Variants in B4GALT5 observed in about 807,000 individuals in gnomAD.
B4GALT5 encodes the protein UDP-Gal:beta-GlcNAc beta-1,4-galactosyltransferase 5.
Under a neutral mutation model 45.0 loss-of-function variants are expected in B4GALT5, and 11 were observed. The observed-to-expected ratio is 0.24, with a 90% CI of 0.15 to 0.40. B4GALT5 has a LOEUF of 0.40. Among genes scored for constraint, B4GALT5 ranks in the 10% least tolerant of loss-of-function variants. The pLI, the probability that B4GALT5 is intolerant of heterozygous loss-of-function variation, is 1.00. For synonymous variants in B4GALT5, 185 were observed against 182.9 expected (o/e 1.01, Z -0.09); for missense variants, 337 against 500.2 (o/e 0.67, Z 3.11).
At chr20:49,685,539 C>T (rs1283079948) in intron 1 of B4GALT5, among the ~76,000 whole-genome samples, 7 of 152,142 alleles carry the variant, frequency 4.6e-5, no homozygotes, top group African/African-American at 7.2e-5. Context: ...GGGAGAAAAA[C>T]GCTGGATCCA....
intron 1 of B4GALT5, among the ~76,000 whole-genome samples, chr20:49,691,898 G>C (rs2085814324): frequency 1.3e-5 from 2 of 152,134 alleles, no homozygotes; most frequent in South Asian, 4.1e-4. Flanking sequence ...GGCAGTGACT[G>C]ACCTGTAATG....
chr20:49,683,574 G>C (rs1349014280), intron 1 of B4GALT5, among the ~76,000 whole-genome samples: 1 of 151,320 alleles, frequency 6.6e-6, no homozygotes, highest in South Asian at 2.1e-4. Context: ...TTGTATTTTT[G>C]TAGAGATGTC....
chr20:49,678,907 A>T (rs1191983868), intron 1 of B4GALT5, among the ~76,000 whole-genome samples: 2 of 152,098 alleles, frequency 1.3e-5, no homozygotes, highest in East Asian at 3.9e-4. Context: ...GCTGGGGGGA[A>T]TCCCCAGGGT....
chr20:49,656,059 G>C (rs2085641613), intron 2 of B4GALT5, among the ~76,000 whole-genome samples: 1 of 152,132 alleles, frequency 6.6e-6, no homozygotes. Flanking sequence ...CCTACAGCAG[G>C]TGTTTGGTTC....
chr20:49,652,881 C>T (rs968935974), intron 2 of B4GALT5, among the ~76,000 whole-genome samples: 12 of 152,180 alleles, frequency 7.9e-5, no homozygotes, highest in African/African-American at 2.9e-4. Context: ...ATCCAGGTTA[C>T]CACCATTAAG....
At chr20:49,704,729 CA>C (rs1272824533) in intron 1 of B4GALT5, among the ~76,000 whole-genome samples, 9 of 144,382 alleles carry the variant, frequency 6.2e-5, no homozygotes, top group African/African-American at 1.6e-4. Flanking sequence ...AAAAAAAAAA[CA>C]AAAAAAAACA....
At chr20:49,644,046 G>T (rs2085588655) in intron 3 of B4GALT5, among the ~76,000 whole-genome samples, 1 of 145,018 alleles carries the variant, frequency 6.9e-6, no homozygotes, top group African/African-American at 2.6e-5. Flanking sequence ...TCCTGCCTCA[G>T]CCTCCTGAGT....
At chr20:49,657,276 C>G in intron 1 of B4GALT5, among the ~76,000 whole-genome samples, 1 of 152,190 alleles carries the variant, frequency 6.6e-6, no homozygotes, top group Non-Finnish European at 1.5e-5. Flanking sequence ...TTGCAGTCCT[C>G]ACTATCCACC....
At chr20:49,662,107 A>C (rs533631848) in intron 1 of B4GALT5, among the ~76,000 whole-genome samples, 1 of 152,266 alleles carries the variant, frequency 6.6e-6, no homozygotes, top group East Asian at 1.9e-4. Context: ...TCTGATTCTA[A>C]CAGGAAAACC....
chr20:49,698,283 A>C lies in B4GALT5; in HGVS notation c.115+15293T>G, dbSNP rs149771715. Among the ~76,000 whole-genome samples the C allele has an allele frequency of 3.9e-3, 601 of 152,242 alleles. 2 individuals carry two copies. Among genetic ancestry groups the C allele is most frequent in the African/African-American group, 0.014 (580 of 41,522 alleles). On this transcript the variant is annotated intron_variant, in intron 1 of 8. Transcript: ENST00000371711. ...GGTTGCAGTGAGCCGAGACGGTGGCACCACACTCCGGCCTGGGGGACAGAG... is the reference window on the plus strand; with the variant it reads ...GGTTGCAGTGAGCCGAGACGGTGGCCCCACACTCCGGCCTGGGGGACAGAG...
At chr20:49,698,433 A>G (rs1234262514) in intron 1 of B4GALT5, among the ~76,000 whole-genome samples, 1 of 152,202 alleles carries the variant, frequency 6.6e-6, no homozygotes, top group African/African-American at 2.4e-5. Context: ...CCTAAAGTGA[A>G]TTTTCCCTAG....
intron 1 of B4GALT5, among the ~76,000 whole-genome samples, chr20:49,683,004 A>T (rs1396713241): frequency 6.6e-6 from 1 of 151,876 alleles, no homozygotes; most frequent in African/African-American, 2.4e-5. Context: ...TGAGGTGGGA[A>T]GTCTGCTTGA....
At chr20:49,707,385 CCTT>C (rs2085888718) in intron 1 of B4GALT5, among the ~76,000 whole-genome samples, 1 of 151,902 alleles carries the variant, frequency 6.6e-6, no homozygotes. Flanking sequence ...AAAAAGGTGT[CCTT>C]CACGGGATAA....
intron 1 of B4GALT5, among the ~76,000 whole-genome samples, chr20:49,691,989 T>G (rs1323263020): frequency 6.6e-6 from 1 of 152,224 alleles, no homozygotes; most frequent in Admixed American, 6.5e-5. Flanking sequence ...TTATCCTTGC[T>G]GCCACCCAAA....
chr20:49,703,776 C>A (rs145789420), intron 1 of B4GALT5, among the ~76,000 whole-genome samples: 7 of 151,148 alleles, frequency 4.6e-5, no homozygotes, highest in Non-Finnish European at 1.5e-5. Context: ...GTAATCCCAG[C>A]TACTCAGGAG....
intron 1 of B4GALT5, among the ~76,000 whole-genome samples, chr20:49,683,671 G>T (rs1376187621): frequency 6.6e-6 from 1 of 151,520 alleles, no homozygotes; most frequent in African/African-American, 2.4e-5. Context: ...TCGGCCTCCC[G>T]AATGCTGGGA....
intron 1 of B4GALT5, among the ~76,000 whole-genome samples, chr20:49,683,589 C>T (rs1191582626): frequency 6.6e-6 from 1 of 151,578 alleles, no homozygotes; most frequent in African/African-American, 2.4e-5. Context: ...GATGTCGGTT[C>T]ACCATGTTGG....
intron 2 of B4GALT5, among the ~76,000 whole-genome samples, chr20:49,647,445 C>G (rs2085603765): frequency 6.6e-6 from 1 of 152,184 alleles, no homozygotes; most frequent in Admixed American, 6.5e-5. Context: ...ATGCAGTATT[C>G]ACCTCTGTCA....
chr20:49,647,674 C>G (rs1035227680), intron 2 of B4GALT5, among the ~76,000 whole-genome samples: 4 of 152,200 alleles, frequency 2.6e-5, no homozygotes, highest in Non-Finnish European at 4.4e-5. Flanking sequence ...AGTTATGCAT[C>G]TTGTTTTTCT....
Sources: allele counts gnomAD v4.1 joint callset (sites outside exome capture counted in the v4.1 genomes callset), GRCh38; gene constraint gnomAD v4.1.1; transcripts MANE v1.5; gene names NCBI Gene and HGNC (gene_info 2026-07-23, HGNC 2026-07-21).